Variants in ADAMTS17 observed in about 807,000 individuals in gnomAD.
ADAMTS17 encodes A disintegrin and metalloproteinase with thrombospondin motifs 17.
In ADAMTS17, 113 loss-of-function variants were observed where a neutral mutation model predicts 141.5. The ratio of observed to expected loss-of-function variants is 0.80; its 90% CI spans 0.69 to 0.93. The LOEUF is 0.93. ADAMTS17 is among the 40% of genes least tolerant of loss of function. ADAMTS17 has a pLI of 0.00. For missense variants in ADAMTS17, 1,659 were observed against 1,517.9 expected (o/e 1.09, Z -1.54); for synonymous variants, 768 against 630.6 (o/e 1.22, Z -3.27).
rs1162122833 is a variant in ADAMTS17 at position 100,116,896 on chromosome 15, G to A, written c.1839C>T (p.Asp613=). 5 of 1,614,072 alleles carry A rather than the reference G, an allele frequency of 3.1e-6. No homozygotes were observed. Among genetic ancestry groups the A allele is most frequent in the Non-Finnish European group, 3.4e-6 (4 of 1,180,048 alleles). Residue 613 remains aspartate (D), a synonymous_variant, in exon 13 of 22, where the codon GAC becomes GAT. Transcript: ENST00000268070. ...GGCCTTTCTTCTTGGGGCTCAGCCG[G>A]TCGTGTGCCTGGCACTGCTGGTCCC... is the stretch of plus-strand genomic sequence containing the variant. ...SFRDQQCQAH[D]RLSPKKKGLL... is the part of the protein sequence containing the mutation.
At chr15:100,109,256 C>CTCTCCA in intron 13 of ADAMTS17, 140 bp from the exon 14 acceptor site, 1 of 1,033,428 alleles carries the variant, frequency 9.7e-7, no homozygotes, top group Non-Finnish European at 1.4e-6. Flanking sequence ...CTCAGGTACG[C>CTCTCCA]GCTCCAGGAA....
At chr15:100,140,290 CT>C (rs1228825428) in intron 10 of ADAMTS17, among the ~76,000 whole-genome samples, 5 of 152,126 alleles carry the variant, frequency 3.3e-5, no homozygotes, top group African/African-American at 9.7e-5. Flanking sequence ...GCCACTGTGC[CT>C]GGCCGTGTAA....
At chr15:100,146,774 A>G (rs2038926162) in intron 10 of ADAMTS17, among the ~76,000 whole-genome samples, 1 of 152,228 alleles carries the variant, frequency 6.6e-6, no homozygotes, top group Non-Finnish European at 1.5e-5. Flanking sequence ...GCCTGGGGGT[A>G]TAGGTCTATA....
intron 18 of ADAMTS17, among the ~76,000 whole-genome samples, chr15:100,012,651 C>T (rs1368342052): frequency 6.6e-6 from 1 of 152,162 alleles, no homozygotes; most frequent in Non-Finnish European, 1.5e-5. Flanking sequence ...TGTCCTTTCC[C>T]CACTTTATGT....
At chr15:100,329,376 A>G (rs1228304433) in intron 3 of ADAMTS17, among the ~76,000 whole-genome samples, 2 of 152,082 alleles carry the variant, frequency 1.3e-5, no homozygotes, top group Non-Finnish European at 2.9e-5. Flanking sequence ...CATCTCTACC[A>G]AAACAAAAAT....
At chr15:100,254,583 T>C (rs112794308) in intron 6 of ADAMTS17, among the ~76,000 whole-genome samples, 55 of 152,338 alleles carry the variant, frequency 3.6e-4, no homozygotes, top group African/African-American at 1.2e-3. Context: ...TGGTTTTTGA[T>C]GCTGTAATGA....
intron 15 of ADAMTS17, among the ~76,000 whole-genome samples, chr15:100,089,012 T>A (rs1453190458): frequency 6.6e-6 from 1 of 151,308 alleles, no homozygotes; most frequent in Admixed American, 6.6e-5. Context: ...ACTGAAGAGC[T>A]TCTGCACAGC....
intron 12 of ADAMTS17, chr15:100,129,095 G>A (rs1320362503): frequency 6.6e-6 from 1 of 152,210 alleles, no homozygotes; most frequent in Non-Finnish European, 1.5e-5. Flanking sequence ...TCAGGACACT[G>A]GCTCCTTCAG....
rs1369913909 is a variant in ADAMTS17 at position 99,973,547 on chromosome 15, C to T, written c.*855G>A. On this transcript the variant is annotated 3_prime_UTR_variant, in exon 22 of 22. Coordinates refer to ENST00000268070, the MANE Select transcript of ADAMTS17 (RefSeq NM_139057.4). ...GGAAGGCGGGGCAGGTGCCCATCCG[C>T]CCCAGTGAAGCTGGCCCAAGCTTAC... 6.6e-6 allele frequency: 1 copy of T among 152,356 alleles called. No homozygotes were observed. Among genetic ancestry groups the T allele is most frequent in the Admixed American group, 6.5e-5 (1 of 15,290 alleles). The allele number at this position is 152,356 out of a possible 1,614,324, so 9.4% of individuals were successfully genotyped here. A position where few individuals can be genotyped will look rare whatever the true frequency, so the allele number is the denominator to read the frequency against.
intron 18 of ADAMTS17, among the ~76,000 whole-genome samples, chr15:100,020,967 T>C (rs1437267054): frequency 6.6e-6 from 1 of 152,176 alleles, no homozygotes; most frequent in East Asian, 1.9e-4. Context: ...TTCGCTGTTC[T>C]CCCCTCCACT....
At chr15:100,035,922 G>T (rs1018496910) in intron 18 of ADAMTS17, among the ~76,000 whole-genome samples, 1 of 152,214 alleles carries the variant, frequency 6.6e-6, no homozygotes, top group Non-Finnish European at 1.5e-5. Context: ...TGTTATGAGT[G>T]TACAAGCTAC....
chr15:100,119,340 A>G (rs2037331858), intron 12 of ADAMTS17, among the ~76,000 whole-genome samples: 1 of 152,178 alleles, frequency 6.6e-6, no homozygotes, highest in African/African-American at 2.4e-5. Flanking sequence ...CATGCAGACT[A>G]AGGGAAAGCA....
intron 20 of ADAMTS17, among the ~76,000 whole-genome samples, chr15:99,988,167 C>G (rs965959686): frequency 6.6e-6 from 1 of 152,040 alleles, no homozygotes; most frequent in Non-Finnish European, 1.5e-5. Flanking sequence ...TTTGTCCCAC[C>G]AAATCTCATG....
At chr15:100,199,487 G>C (rs2041240252) in intron 7 of ADAMTS17, 64 bp from the exon 8 acceptor site, 1 of 1,344,094 alleles carries the variant, frequency 7.4e-7, no homozygotes, top group East Asian at 2.3e-5. Flanking sequence ...CACCGGGCAA[G>C]TCCGCACGGT....
intron 18 of ADAMTS17, among the ~76,000 whole-genome samples, chr15:100,025,746 A>G (rs780845933): frequency 6.6e-6 from 1 of 152,180 alleles, no homozygotes; most frequent in African/African-American, 2.4e-5. Flanking sequence ...TCTTTTAACC[A>G]GTAAGCTAGG....
chr15:100,285,321 A>C (rs891279441), intron 3 of ADAMTS17, among the ~76,000 whole-genome samples: 3 of 152,246 alleles, frequency 2.0e-5, no homozygotes, highest in African/African-American at 4.8e-5. Flanking sequence ...AATGTTGAGC[A>C]AATATATAAA....
At chr15:100,053,809 G>T (rs917596251) in intron 16 of ADAMTS17, 88 bp downstream of exon 16, 6 of 1,601,784 alleles carry the variant, frequency 3.7e-6, no homozygotes, top group Non-Finnish European at 5.1e-6. Context: ...TGCCCCCGAG[G>T]TCCCAGGCAG....
chr15:100,161,241 T>A (rs76811197), intron 8 of ADAMTS17, among the ~76,000 whole-genome samples: 1,581 of 152,338 alleles, frequency 0.01, 36 homozygotes, highest in African/African-American at 0.035. Context: ...CCCTCCTGGC[T>A]TCCGAATCTC....
At chr15:100,119,085 A>ACACACACACAC (rs2037316886) in intron 12 of ADAMTS17, among the ~76,000 whole-genome samples, 1 of 124,796 alleles carries the variant, frequency 8.0e-6, no homozygotes. Flanking sequence ...GAGACACACA[A>ACACACACACAC]AGAATGCCAA....
Sources: gnomAD v4.1 joint callset for allele counts (sites outside exome capture counted in the v4.1 genomes callset) on GRCh38, gnomAD v4.1.1 for gene constraint, MANE v1.5 for transcripts, NCBI Gene and HGNC (gene_info 2026-07-23, HGNC 2026-07-21) for gene names.